Variants in WDPCP observed in about 807,000 individuals in gnomAD.
The protein encoded by WDPCP is WD repeat containing planar cell polarity effector.
Under a neutral mutation model 93.1 loss-of-function variants are expected in WDPCP, and 71 were observed. The ratio of observed to expected loss-of-function variants is 0.76; its 90% CI spans 0.63 to 0.93. WDPCP has a LOEUF of 0.93. Among genes scored for constraint, WDPCP ranks in the 40% least tolerant of loss-of-function variants. The probability of loss-of-function intolerance (pLI) is 0.00; values close to 1 mark genes in which losing one functional copy is unlikely to be tolerated. For missense variants in WDPCP, 844 were observed against 887.4 expected, an observed-to-expected ratio of 0.95 and a Z score of 0.62; for synonymous variants, 315 against 315.0, an observed-to-expected ratio of 1.00 and a Z score of 0.00.
chr2:63,695,716 A>G (rs1227538102), intron 2 of WDPCP, among the ~76,000 whole-genome samples: 2 of 152,124 alleles, frequency 1.3e-5, no homozygotes, highest in Non-Finnish European at 2.9e-5. Flanking sequence ...GAACACACCC[A>G]TGTAACCAGC....
chr2:63,120,415 G>C lies in WDPCP; in HGVS notation c.*1591C>G, dbSNP rs746258939. 6.6e-6 allele frequency among the ~76,000 whole-genome samples: 1 copy of C among 151,722 alleles called. No individual in the cohort carries two copies. Among genetic ancestry groups the C allele is most frequent in the Non-Finnish European group, 1.5e-5 (1 of 67,964 alleles). ...AAATGGGAAGTAGAAAGAAAAATTTGAAGTATAAAAGCCTTCAGTCTGATT... is the reference window on the plus strand; with the variant it reads ...AAATGGGAAGTAGAAAGAAAAATTTCAAGTATAAAAGCCTTCAGTCTGATT... On this transcript the variant is annotated 3_prime_UTR_variant, in exon 18 of 18. Transcript: ENST00000272321.
chr2:63,487,454 A>T lies in WDPCP; in HGVS notation c.201T>A (p.Asp67Glu). The T allele has an allele frequency of 6.3e-7, 1 of 1,590,624 alleles. No individual in the cohort carries two copies. The highest frequency in any genetic ancestry group is 1.1e-5 in the South Asian group (1 of 90,454). Reference sequence around the variant, plus strand: ...ACAGAATAGGTACTTTACCTGGTGGATCTTTCTTGTCATAATACTGGTAGA... The same window carrying T: ...ACAGAATAGGTACTTTACCTGGTGGTTCTTTCTTGTCATAATACTGGTAGA... ...IGIYQYYDKK[D>E]PPATEHGNLE... is the part of the protein sequence containing the mutation. The change falls in exon 3 of 18, where the codon GAT becomes GAA. Residue 67 changes from aspartate (D) to glutamate (E), a missense_variant. Transcript: ENST00000272321.
At chr2:63,595,925 A>C (rs893008270) in intron 3 of WDPCP, among the ~76,000 whole-genome samples, 2 of 152,208 alleles carry the variant, frequency 1.3e-5, no homozygotes, top group African/African-American at 4.8e-5. Flanking sequence ...TCAGTTTTGA[A>C]GGATGTCCTT....
At chr2:63,375,120 T>G (rs1454432128) in intron 12 of WDPCP, among the ~76,000 whole-genome samples, 1 of 152,098 alleles carries the variant, frequency 6.6e-6, no homozygotes, top group Non-Finnish European at 1.5e-5. Context: ...TACATTATAT[T>G]TCCATGTTAG....
intron 14 of WDPCP, among the ~76,000 whole-genome samples, chr2:63,184,226 G>A (rs1049491865): frequency 3.3e-5 from 5 of 151,654 alleles, no homozygotes; most frequent in African/African-American, 1.2e-4. Flanking sequence ...CTTTCTGTTT[G>A]TCTTTGTTGT....
chr2:63,821,179 C>T (rs1187521492), intron 1 of WDPCP, among the ~76,000 whole-genome samples: 2 of 152,112 alleles, frequency 1.3e-5, no homozygotes, highest in Admixed American at 6.6e-5. Flanking sequence ...CCATGTCTCT[C>T]TCACCCACTA....
chr2:63,428,069 T>C (rs909778351), intron 9 of WDPCP, among the ~76,000 whole-genome samples: 4 of 151,900 alleles, frequency 2.6e-5, no homozygotes, highest in African/African-American at 4.8e-5. Context: ...TGTTCCGAAA[T>C]TGAATCAGTA....
intron 3 of WDPCP, chr2:63,599,119 A>T: frequency 6.4e-7 from 1 of 1,556,714 alleles, no homozygotes. Flanking sequence ...AACATAGATT[A>T]GTTAGTAACT....
At chr2:63,682,210 T>C (rs904937984) in intron 2 of WDPCP, among the ~76,000 whole-genome samples, 15 of 152,172 alleles carry the variant, frequency 9.9e-5, no homozygotes, top group Admixed American at 8.5e-4. Context: ...GGACCAATCA[T>C]GGAGAAACAG....
At chr2:63,488,230 C>T (rs1375081368) in intron 2 of WDPCP, among the ~76,000 whole-genome samples, 9 of 151,868 alleles carry the variant, frequency 5.9e-5, no homozygotes, top group Non-Finnish European at 1.3e-4. Flanking sequence ...TTCTTCAATG[C>T]AAAATAATTC....
chr2:63,186,570 G>A (rs959836641), intron 14 of WDPCP, among the ~76,000 whole-genome samples: 10 of 152,226 alleles, frequency 6.6e-5, no homozygotes, highest in Admixed American at 4.6e-4. Flanking sequence ...TTAGCCCCAG[G>A]GCTTAGAAGG....
intron 9 of WDPCP, among the ~76,000 whole-genome samples, chr2:63,430,355 A>G (rs1444660494): frequency 6.6e-6 from 1 of 152,196 alleles, no homozygotes; most frequent in Non-Finnish European, 1.5e-5. Context: ...AAGCCTGCAC[A>G]AGTACCTCCC....
chr2:63,731,391 C>T (rs765728296), intron 2 of WDPCP, among the ~76,000 whole-genome samples: 1 of 151,870 alleles, frequency 6.6e-6, no homozygotes, highest in Non-Finnish European at 1.5e-5. Context: ...ATTAATTAAC[C>T]TATTAACCAT....
At chr2:63,607,429 T>C (rs1709554597) in intron 3 of WDPCP, among the ~76,000 whole-genome samples, 1 of 148,600 alleles carries the variant, frequency 6.7e-6, no homozygotes, top group African/African-American at 2.5e-5. Context: ...CCCAGCTACT[T>C]GGGAGGATGA....
At chr2:63,483,818 T>A (rs1049928617) in intron 6 of WDPCP, among the ~76,000 whole-genome samples, 2 of 151,940 alleles carry the variant, frequency 1.3e-5, no homozygotes, top group Non-Finnish European at 2.9e-5. Flanking sequence ...GTATATTAAA[T>A]TTTTCTAGGC....
At chr2:63,759,927 C>T (rs1164621931) in intron 2 of WDPCP, among the ~76,000 whole-genome samples, 2 of 152,178 alleles carry the variant, frequency 1.3e-5, no homozygotes, top group Non-Finnish European at 2.9e-5. Context: ...CCAACTGGTC[C>T]CAACCCTCCC....
At chr2:63,155,448 A>G (rs1441090563) in intron 15 of WDPCP, among the ~76,000 whole-genome samples, 1 of 152,114 alleles carries the variant, frequency 6.6e-6, no homozygotes, top group Non-Finnish European at 1.5e-5. Flanking sequence ...GCATATTTAT[A>G]TGGGTCTATT....
intron 1 of WDPCP, among the ~76,000 whole-genome samples, chr2:63,568,197 T>C (rs1707217372): frequency 6.6e-6 from 1 of 152,186 alleles, no homozygotes; most frequent in Non-Finnish European, 1.5e-5. Flanking sequence ...TAAACAAACA[T>C]GAGAGAGCTG....
At chr2:63,246,318 T>TTG (rs1456787829) in intron 14 of WDPCP, among the ~76,000 whole-genome samples, 3 of 152,124 alleles carry the variant, frequency 2.0e-5, no homozygotes, top group Non-Finnish European at 4.4e-5. Context: ...CACCAGTGGT[T>TTG]TGTGCTCACT....
Sources: allele counts gnomAD v4.1 joint callset (sites outside exome capture counted in the v4.1 genomes callset), GRCh38; gene constraint gnomAD v4.1.1; transcripts MANE v1.5; gene names NCBI Gene and HGNC (gene_info 2026-07-23, HGNC 2026-07-21).